The following TBC1D4 variants were observed in gnomAD, a reference collection of about 807,000 sequenced individuals.
The protein encoded by TBC1D4 is TBC (Tre-2, BUB2, CDC16) domain-containing protein.
TBC1D4 carries 121 observed loss-of-function variants against 142.5 expected under a neutral mutation model. The ratio of observed to expected loss-of-function variants is 0.85; its 90% confidence interval spans 0.73 to 0.99. TBC1D4 has a LOEUF of 0.99. Ranked by LOEUF, TBC1D4 falls within the 50% of genes least tolerant of loss-of-function variation. The pLI is 0.00. For missense variants in TBC1D4, 1,475 were observed against 1,606.6 expected (o/e 0.92, Z 1.40); for synonymous variants, 630 against 628.2 (o/e 1.00, Z -0.04).
At chr13:75,386,386 C>CTTTT (rs67450573) in intron 1 of TBC1D4, among the ~76,000 whole-genome samples, 1 of 143,752 alleles carries the variant, frequency 7.0e-6, no homozygotes, top group African/African-American at 2.6e-5. Flanking sequence ...TTTTCTTTTT[C>CTTTT]TTTTTCTTTT....
At chr13:75,422,717 AC>A (rs1418123273) in intron 1 of TBC1D4, among the ~76,000 whole-genome samples, 1 of 152,176 alleles carries the variant, frequency 6.6e-6, no homozygotes, top group African/African-American at 2.4e-5. Context: ...TATCAATGAA[AC>A]CTTTTTCCTA....
chr13:75,480,336 T>A (rs905178920), intron 1 of TBC1D4, among the ~76,000 whole-genome samples: 4 of 152,196 alleles, frequency 2.6e-5, no homozygotes, highest in African/African-American at 7.2e-5. Context: ...AAATAACCAT[T>A]TTTAAAACAG....
rs544481995 is a variant in TBC1D4 at position 75,307,679 on chromosome 13, A to G, written c.2594-1208T>C. 7.9e-5 allele frequency among the ~76,000 whole-genome samples: 12 copies of G among 152,362 alleles called. No homozygotes were observed. In the South Asian group the frequency reaches 1.9e-3, roughly 24 times the overall value. On this transcript the variant is annotated intron_variant, in intron 14 of 20. Transcript: ENST00000377636. ...ACTTAGTGTGTTTGAAACCATTTCA[A>G]AAGACTTAAAATATCTTATAACAAA...
intron 8 of TBC1D4, 128 bp downstream of exon 8, chr13:75,336,791 TAA>T: frequency 2.5e-6 from 3 of 1,191,402 alleles, no homozygotes; most frequent in Non-Finnish European, 3.5e-6. Flanking sequence ...AAATAATTTT[TAA>T]AAGTTATCTT....
intron 1 of TBC1D4, among the ~76,000 whole-genome samples, chr13:75,380,420 C>T (rs1297078689): frequency 6.6e-6 from 1 of 151,904 alleles, no homozygotes; most frequent in Non-Finnish European, 1.5e-5. Flanking sequence ...TTGCAGTGGG[C>T]CGCGATCACG....
chr13:75,475,391 G>A (rs888126101), intron 1 of TBC1D4, among the ~76,000 whole-genome samples: 1 of 152,196 alleles, frequency 6.6e-6, no homozygotes, highest in Non-Finnish European at 1.5e-5. Flanking sequence ...GTTCAGACAT[G>A]CCAATGTAGT....
intron 13 of TBC1D4, 34 bp downstream of exon 13, chr13:75,312,702 CAG>C (rs1313448321): frequency 1.2e-6 from 2 of 1,613,806 alleles, no homozygotes; most frequent in African/African-American, 1.3e-5. Context: ...TTCTGACACT[CAG>C]AGGGATAAAT....
At chr13:75,328,809 C>T (rs902791674) in intron 8 of TBC1D4, among the ~76,000 whole-genome samples, 5 of 151,878 alleles carry the variant, frequency 3.3e-5, no homozygotes, top group South Asian at 2.1e-4. Flanking sequence ...ATTTGGGGGT[C>T]GGGGGTAAGG....
intron 5 of TBC1D4, 25 bp downstream of exon 5, chr13:75,349,145 T>C (rs777334936): frequency 6.2e-7 from 1 of 1,613,940 alleles, no homozygotes; most frequent in South Asian, 1.1e-5. Flanking sequence ...AACTTCTCTT[T>C]TGCCAAAGCC....
rs1880291383 is a variant in TBC1D4 at position 75,337,117 on chromosome 13, C to T, written c.1612-77G>A. On this transcript the variant is annotated intron_variant, in intron 7 of 20. Coordinates refer to ENST00000377636, the MANE Select transcript of TBC1D4 (RefSeq NM_014832.5). ...TGAAACTTTAATTATAGGCTTAAGA[C>T]TAAGCTATTAAAAAACACAAGAATT... 2.9e-6 allele frequency: 4 copies of T among 1,383,534 alleles called. No individual in the cohort carries two copies. The South Asian group carries it at 4.8e-5, about 17-fold the overall frequency. 85.7% of individuals were successfully genotyped at this position (1,383,534 alleles called of 1,614,324 possible).
chr13:75,481,032 C>T (rs1888839174), intron 1 of TBC1D4, among the ~76,000 whole-genome samples: 1 of 152,204 alleles, frequency 6.6e-6, no homozygotes, highest in Admixed American at 6.5e-5. Flanking sequence ...CTTTTCCCTC[C>T]GGGTCCCTGC....
At chr13:75,383,401 G>A (rs1220160928) in intron 1 of TBC1D4, among the ~76,000 whole-genome samples, 2 of 152,114 alleles carry the variant, frequency 1.3e-5, no homozygotes, top group Non-Finnish European at 2.9e-5. Context: ...CACCTCAACC[G>A]TGGCTATAGT....
chr13:75,302,697 A>C, intron 15 of TBC1D4: 1 of 447,706 alleles, frequency 2.2e-6, no homozygotes, highest in Admixed American at 3.5e-5. Context: ...CTAGCTACTA[A>C]GCACATGCAC....
intron 1 of TBC1D4, among the ~76,000 whole-genome samples, chr13:75,432,640 G>A (rs368603467): frequency 1.3e-5 from 2 of 151,968 alleles, no homozygotes; most frequent in Non-Finnish European, 2.9e-5. Context: ...ATACTTAAAC[G>A]GAATAACTAT....
chr13:75,370,693 G>A (rs575872859), intron 1 of TBC1D4, among the ~76,000 whole-genome samples: 14 of 152,250 alleles, frequency 9.2e-5, no homozygotes, highest in East Asian at 5.8e-4. Flanking sequence ...CAGGAGCCGC[G>A]TTTTGGACAC....
At chr13:75,324,960 G>A (rs1212216792) in intron 10 of TBC1D4, among the ~76,000 whole-genome samples, 1 of 152,122 alleles carries the variant, frequency 6.6e-6, no homozygotes, top group East Asian at 1.9e-4. Flanking sequence ...CCAAAATCTA[G>A]AAGATTCTTT....
intron 1 of TBC1D4, among the ~76,000 whole-genome samples, chr13:75,410,086 G>C (rs538937972): frequency 6.6e-6 from 1 of 152,296 alleles, no homozygotes; most frequent in Non-Finnish European, 1.5e-5. Flanking sequence ...CACTCTCAGA[G>C]TATTGTTGTG....
In TBC1D4 at chr13:75,435,550, C is replaced by T. The variant is rs1213091069; in HGVS notation, c.498+45720G>A. Among the ~76,000 whole-genome samples, 6 of 152,078 alleles carry T rather than the reference C, an allele frequency of 3.9e-5. No individual in the cohort carries two copies. In the East Asian group the frequency reaches 5.8e-4, roughly 15 times the overall value. ...AACAATCTTTAACACAAGGACATCA[C>T]GTTGTTTCTAGAGGTAGTAAATCTG... On this transcript the variant is annotated intron_variant, in intron 1 of 20. Coordinates refer to ENST00000377636, the MANE Select transcript of TBC1D4 (RefSeq NM_014832.5).
intron 12 of TBC1D4, among the ~76,000 whole-genome samples, chr13:75,313,298 A>C (rs917816486): frequency 6.6e-6 from 1 of 152,242 alleles, no homozygotes; most frequent in Non-Finnish European, 1.5e-5. Flanking sequence ...AGCTTTTGTT[A>C]GAGCTCTTAT....
Sources: allele counts gnomAD v4.1 joint callset (sites outside exome capture counted in the v4.1 genomes callset), GRCh38; gene constraint gnomAD v4.1.1; transcripts MANE v1.5; gene names NCBI Gene and HGNC (gene_info 2026-07-23, HGNC 2026-07-21).